Variants in CDH12 observed in about 807,000 individuals in gnomAD.
CDH12 encodes cadherin 12, also known as cadherin-12.
CDH12 carries 41 observed loss-of-function variants against 74.1 expected under a neutral mutation model. The ratio of observed to expected loss-of-function variants is 0.55; its 90% CI spans 0.43 to 0.72. The LOEUF is 0.72. CDH12 is among the 30% of genes least tolerant of loss of function. CDH12 has a pLI of 0.00. For missense variants in CDH12, 945 were observed against 977.2 expected, an observed-to-expected ratio of 0.97 and a Z score of 0.44; for synonymous variants, 399 against 355.0, an observed-to-expected ratio of 1.12 and a Z score of -1.39.
intron 6 of CDH12, among the ~76,000 whole-genome samples, chr5:21,925,626 A>C (rs562669530): frequency 6.6e-6 from 1 of 152,270 alleles, no homozygotes; most frequent in African/African-American, 2.4e-5. Context: ...ATTGTAACTA[A>C]TTTGGTTATT....
intron 1 of CDH12, among the ~76,000 whole-genome samples, chr5:22,613,191 G>C (rs539783189): frequency 1.9e-4 from 29 of 152,054 alleles, no homozygotes; most frequent in Admixed American, 1.1e-3. Flanking sequence ...TGGAAAACCT[G>C]GAACATTTAT....
chr5:22,454,363 T>C (rs1277108384), intron 2 of CDH12, among the ~76,000 whole-genome samples: 1 of 152,204 alleles, frequency 6.6e-6, no homozygotes, highest in Non-Finnish European at 1.5e-5. Flanking sequence ...GCAATACTTA[T>C]GAGATCCCTA....
At chr5:22,074,765 A>G (rs1742189226) in intron 5 of CDH12, among the ~76,000 whole-genome samples, 1 of 152,148 alleles carries the variant, frequency 6.6e-6, no homozygotes, top group Non-Finnish European at 1.5e-5. Flanking sequence ...ATGAGATACC[A>G]TCTCACACCA....
chr5:21,816,947 T>C lies in CDH12; in HGVS notation c.1000A>G (p.Lys334Glu), dbSNP rs768152116. The C allele has an allele frequency of 5.6e-6, 9 of 1,599,658 alleles. No individual in the cohort carries two copies. Among genetic ancestry groups the C allele is most frequent in the Non-Finnish European group, 6.8e-6 (8 of 1,171,580 alleles). Reference protein sequence around the residue: ...DTQEGVIKLKKPLDFETKKAY... With the variant: ...DTQEGVIKLKEPLDFETKKAY... ...TGTCCCAACATTTGTCTATATACCT[T>C]TTTCAATTTGATGACTCCCTCTTGT... The change falls in exon 9 of 15, where the codon AAG becomes GAG. Residue 334 changes from lysine to glutamate, a missense_variant and splice_region_variant. This residue lies in a region of CDH12 where 791 missense variants were observed against 792.8 expected (regional missense o/e 1.00). Coordinates refer to ENST00000382254, the MANE Select transcript of CDH12 (RefSeq NM_004061.5).
At chr5:22,768,937 CA>C (rs1294858876) in intron 1 of CDH12, among the ~76,000 whole-genome samples, 2 of 152,108 alleles carry the variant, frequency 1.3e-5, no homozygotes, top group African/African-American at 4.8e-5. Context: ...TTTAAAATTA[CA>C]ATATTTGAAT....
intron 1 of CDH12, among the ~76,000 whole-genome samples, chr5:22,583,735 T>TA (rs1740225740): frequency 6.6e-6 from 1 of 152,166 alleles, no homozygotes; most frequent in African/African-American, 2.4e-5. Flanking sequence ...AAGAGATTTT[T>TA]AAGAAAGAAC....
At chr5:22,843,416 A>G (rs1394526149) in intron 1 of CDH12, among the ~76,000 whole-genome samples, 1 of 152,108 alleles carries the variant, frequency 6.6e-6, no homozygotes, top group Non-Finnish European at 1.5e-5. Flanking sequence ...CATGGTTGTC[A>G]TCTCTACACT....
At chr5:22,141,941 G>C (rs773373863) in intron 4 of CDH12, among the ~76,000 whole-genome samples, 3 of 152,080 alleles carry the variant, frequency 2.0e-5, no homozygotes, top group Non-Finnish European at 2.9e-5. Flanking sequence ...GTAAATCAAA[G>C]GGTTAATAAA....
Position 22,483,763 on chromosome 5 carries a change from T to TATATATATATATATATATATATATAAAA in CDH12, c.-428+21506_-428+21507insTTTTATATATATATATATATATATATAT, listed in dbSNP as rs902754630. On this transcript the variant is annotated intron_variant, in intron 2 of 14. Coordinates refer to ENST00000382254, the MANE Select transcript of CDH12 (RefSeq NM_004061.5). ...TCTTTCAAAACTATATATATATATATAAATTTAATTAATTGGGCATGGTGG... is the reference window on the plus strand; with the variant it reads ...TCTTTCAAAACTATATATATATATATATATATATATATATATATATATATAAAAAAATTTAATTAATTGGGCATGGTGG... Among the ~76,000 whole-genome samples, 17 of 91,842 alleles carry TATATATATATATATATATATATATAAAA rather than the reference T, an allele frequency of 1.9e-4. 2 individuals are homozygous for TATATATATATATATATATATATATAAAA. Among genetic ancestry groups the TATATATATATATATATATATATATAAAA allele is most frequent in the Non-Finnish European group, 3.5e-4 (16 of 45,146 alleles). The allele number at this position is 91,842 out of a possible 152,430, so 60.3% of individuals were successfully genotyped here. A position where few individuals can be genotyped will look rare whatever the true frequency, so the allele number is the denominator to read the frequency against.
intron 3 of CDH12, among the ~76,000 whole-genome samples, chr5:22,250,278 A>G (rs1367774841): frequency 1.3e-5 from 2 of 152,114 alleles, no homozygotes; most frequent in South Asian, 2.1e-4. Flanking sequence ...CTTGTCATGA[A>G]TCTACAAATC....
intron 4 of CDH12, among the ~76,000 whole-genome samples, chr5:22,088,101 A>G (rs1352805862): frequency 6.6e-6 from 1 of 152,206 alleles, no homozygotes; most frequent in Non-Finnish European, 1.5e-5. Context: ...TAAAAGTAGG[A>G]TGCAATGCTT....
intron 3 of CDH12, among the ~76,000 whole-genome samples, chr5:22,310,859 G>A (rs1214101790): frequency 6.6e-6 from 1 of 152,130 alleles, no homozygotes; most frequent in Non-Finnish European, 1.5e-5. Context: ...CTAGGGCAAA[G>A]TCACCCTTAC....
intron 7 of CDH12, 81 bp from the exon 8 acceptor site, chr5:21,842,409 A>G (rs1749923960): frequency 1.0e-6 from 1 of 989,410 alleles, no homozygotes; most frequent in Non-Finnish European, 1.5e-6. Flanking sequence ...CAACAACAAC[A>G]TGATTCTACC....
intron 6 of CDH12, chr5:21,889,683 A>G (rs1752807569): frequency 5.1e-6 from 5 of 985,208 alleles, no homozygotes; most frequent in Non-Finnish European, 6.0e-6. Flanking sequence ...AAAATCAGAA[A>G]GTATTCTCCA....
At chr5:22,685,112 TTTA>T (rs1174198326) in intron 1 of CDH12, among the ~76,000 whole-genome samples, 1 of 152,226 alleles carries the variant, frequency 6.6e-6, no homozygotes, top group Admixed American at 6.5e-5. Flanking sequence ...TTTTAGTAGC[TTTA>T]TTAAGATACA....
At chr5:22,025,223 A>G (rs765250311) in intron 5 of CDH12, among the ~76,000 whole-genome samples, 2 of 152,174 alleles carry the variant, frequency 1.3e-5, no homozygotes, top group African/African-American at 2.4e-5. Flanking sequence ...AAATTTCTGG[A>G]CACAAGGGAG....
chr5:22,671,166 G>A (rs1248899955), intron 1 of CDH12, among the ~76,000 whole-genome samples: 1 of 151,904 alleles, frequency 6.6e-6, no homozygotes, highest in Non-Finnish European at 1.5e-5. Context: ...CACTAGTTTG[G>A]ACATACTAAT....
At chr5:22,567,561 T>C (rs1739346774) in intron 1 of CDH12, among the ~76,000 whole-genome samples, 1 of 152,226 alleles carries the variant, frequency 6.6e-6, no homozygotes, top group Non-Finnish European at 1.5e-5. Flanking sequence ...CCTAGAAAAG[T>C]ATTTGACAAA....
At chr5:22,479,175 C>T (rs1379024056) in intron 2 of CDH12, among the ~76,000 whole-genome samples, 1 of 152,216 alleles carries the variant, frequency 6.6e-6, no homozygotes, top group African/African-American at 2.4e-5. Context: ...TCAGATAAAA[C>T]TGCTGAAGAT....
Sources: gnomAD v4.1 joint callset for allele counts (sites outside exome capture counted in the v4.1 genomes callset) on GRCh38, gnomAD v4.1.1 for gene constraint, gnomAD v4.1.1 regional missense constraint, MANE v1.5 for transcripts, NCBI Gene and HGNC (gene_info 2026-07-23, HGNC 2026-07-21) for gene names.